The following SCEL variants were observed in gnomAD, a reference collection of about 807,000 sequenced individuals.
The protein encoded by SCEL is sciellin.
A neutral mutation model predicts 117.6 loss-of-function variants in SCEL; 113 were observed. That is an observed-to-expected ratio of 0.96 (90% confidence interval 0.83 to 1.12). The LOEUF (loss-of-function observed/expected upper bound fraction) is 1.12. Among genes scored for constraint, SCEL ranks in the 50% most tolerant of loss-of-function variants. The pLI is 0.00. For synonymous variants in SCEL, 270 were observed against 256.2 expected (o/e 1.05, Z -0.51); for missense variants, 785 against 810.8 (o/e 0.97, Z 0.39).
In SCEL at chr13:77,568,252, C is replaced by T. The variant is rs373642322; in HGVS notation, c.360-43C>T. 7.6e-6 allele frequency: 10 copies of T among 1,309,658 alleles called. No individual in the cohort carries two copies. The South Asian group carries it at 8.8e-5, about 12-fold the overall frequency. The allele number at this position is 1,309,658 out of a possible 1,614,324, so 81.1% of individuals were successfully genotyped here. On this transcript the variant is annotated intron_variant, in intron 6 of 32. Transcript: ENST00000349847. ...ATAATTCCAAATAGATGCAAATGTT[C>T]ATTCTTCATTGTTCAAACTTTGCTT...
At chr13:77,607,282 C>A (rs937392923) in intron 19 of SCEL, among the ~76,000 whole-genome samples, 1 of 152,180 alleles carries the variant, frequency 6.6e-6, no homozygotes, top group Non-Finnish European at 1.5e-5. Context: ...ATCTCCTGGG[C>A]TCAAGCGATC....
At chr13:77,599,846 G>A in intron 15 of SCEL, 98 bp downstream of exon 15, 1 of 847,460 alleles carries the variant, frequency 1.2e-6, no homozygotes. Flanking sequence ...CAGGCAGGCT[G>A]GTGGAATAAG....
chr13:77,617,876 C>T lies in SCEL; in HGVS notation c.1571+14C>T. On this transcript the variant is annotated intron_variant, in intron 26 of 32. Coordinates refer to ENST00000349847, the MANE Select transcript of SCEL (RefSeq NM_144777.3). ...AAACAATCAGAGGTATATATAGAAGCAGTCAATTCATGTTTTTATTTGTCT... is the reference window on the plus strand; with the variant it reads ...AAACAATCAGAGGTATATATAGAAGTAGTCAATTCATGTTTTTATTTGTCT... The T allele has an allele frequency of 1.3e-6, 2 of 1,597,742 alleles. No individual in the cohort carries two copies. The highest frequency in any genetic ancestry group is 1.3e-5 in the African/African-American group (1 of 74,602).
At chr13:77,540,097 A>G (rs2083622057) in intron 1 of SCEL, among the ~76,000 whole-genome samples, 1 of 152,250 alleles carries the variant, frequency 6.6e-6, no homozygotes, top group African/African-American at 2.4e-5. Flanking sequence ...TCATATATCA[A>G]CGAGAAAGGG....
chr13:77,618,668 G>T (rs1011417889), intron 27 of SCEL, among the ~76,000 whole-genome samples: 1 of 152,066 alleles, frequency 6.6e-6, no homozygotes, highest in Non-Finnish European at 1.5e-5. Flanking sequence ...ATTAGTTCTG[G>T]GCTTCTTATT....
intron 4 of SCEL, among the ~76,000 whole-genome samples, chr13:77,561,309 C>T (rs1433378362): frequency 6.6e-6 from 1 of 152,198 alleles, no homozygotes; most frequent in East Asian, 1.9e-4. Flanking sequence ...GAGCTTAATG[C>T]CTTTCATGCT....
intron 8 of SCEL, among the ~76,000 whole-genome samples, chr13:77,571,788 T>C (rs976876922): frequency 6.6e-6 from 1 of 150,730 alleles, no homozygotes; most frequent in Non-Finnish European, 1.5e-5. Flanking sequence ...AGCAGAAAAA[T>C]AGGGAGAATA....
Position 77,645,140 on chromosome 13 carries a change from C to T in SCEL, c.*866C>T, listed in dbSNP as rs1390830154. 3.3e-5 allele frequency: 5 copies of T among 151,760 alleles called. No homozygotes were observed. Among genetic ancestry groups the T allele is most frequent in the Admixed American group, 6.6e-5 (1 of 15,234 alleles). The allele number at this position is 151,760 out of a possible 1,614,324, so 9.4% of individuals were successfully genotyped here. A position where few individuals can be genotyped will look rare whatever the true frequency, so the allele number is the denominator to read the frequency against. On this transcript the variant is annotated 3_prime_UTR_variant, in exon 33 of 33. Coordinates refer to ENST00000349847, the MANE Select transcript of SCEL (RefSeq NM_144777.3). ...TCAAAATCTGGGTATACTTATAATCCATTAGAAGTAATGGTTATGGACTAA... is the reference window on the plus strand; with the variant it reads ...TCAAAATCTGGGTATACTTATAATCTATTAGAAGTAATGGTTATGGACTAA...
At chr13:77,565,724 C>T (rs564820526) in intron 5 of SCEL, among the ~76,000 whole-genome samples, 4 of 152,210 alleles carry the variant, frequency 2.6e-5, no homozygotes, top group African/African-American at 9.6e-5. Flanking sequence ...ACTGAGTTTA[C>T]GTTTGAAAAG....
chr13:77,593,140 T>C (rs1005705941), intron 11 of SCEL, among the ~76,000 whole-genome samples: 4 of 152,192 alleles, frequency 2.6e-5, no homozygotes, highest in South Asian at 2.1e-4. Flanking sequence ...TTTTGTTTTC[T>C]ATGTCCTTTT....
chr13:77,549,961 G>A (rs1017023411), intron 1 of SCEL, among the ~76,000 whole-genome samples: 4 of 151,178 alleles, frequency 2.6e-5, no homozygotes, highest in Admixed American at 1.3e-4. Flanking sequence ...CCATATAAGA[G>A]TGTCTTTTCT....
intron 12 of SCEL, among the ~76,000 whole-genome samples, chr13:77,596,386 A>C (rs1298039094): frequency 2.0e-5 from 3 of 152,158 alleles, no homozygotes; most frequent in Non-Finnish European, 4.4e-5. Flanking sequence ...TAGTAATGAC[A>C]GGGCATTATT....
chr13:77,543,430 G>A (rs895527223), intron 1 of SCEL, among the ~76,000 whole-genome samples: 2 of 152,112 alleles, frequency 1.3e-5, no homozygotes, highest in Non-Finnish European at 2.9e-5. Context: ...TTTGCCCTGG[G>A]CAACTATTGA....
At chr13:77,571,910 T>C (rs775291185) in intron 8 of SCEL, among the ~76,000 whole-genome samples, 1 of 152,158 alleles carries the variant, frequency 6.6e-6, no homozygotes, top group Non-Finnish European at 1.5e-5. Flanking sequence ...CGTTACTTAG[T>C]GCTAAAGGAA....
intron 17 of SCEL, 89 bp from the exon 18 acceptor site, chr13:77,602,987 G>T (rs958056473): frequency 3.8e-6 from 3 of 783,238 alleles, no homozygotes; most frequent in Non-Finnish European, 5.9e-6. Flanking sequence ...TTCTCCAAAA[G>T]CTTGAATTAA....
At chr13:77,548,304 A>T (rs2154394768) in intron 1 of SCEL, among the ~76,000 whole-genome samples, 1 of 152,326 alleles carries the variant, frequency 6.6e-6, no homozygotes, top group Admixed American at 6.5e-5. Flanking sequence ...TTTTAGCCCA[A>T]GGGCTGTCAA....
chr13:77,634,592 T>TAA (rs1199001152), intron 29 of SCEL, 142 bp downstream of exon 29: 1 of 528,826 alleles, frequency 1.9e-6, no homozygotes, highest in African/African-American at 1.9e-5. Context: ...TATATATATA[T>TAA]AATTCTCTAT....
In SCEL at chr13:77,556,729, G is replaced by C; in HGVS notation, c.161+16G>C. 6.4e-7 allele frequency: 1 copy of C among 1,560,932 alleles called. No individual in the cohort carries two copies. The highest frequency in any genetic ancestry group is 8.8e-7 in the Non-Finnish European group (1 of 1,132,398). On this transcript the variant is annotated intron_variant, in intron 3 of 32. Coordinates refer to ENST00000349847, the MANE Select transcript of SCEL (RefSeq NM_144777.3). ...AAGAAGAAAAGTAAGCTGGTGTGGA[G>C]CGTGGTGGGTGGACAGAAGGGCAGA...
At chr13:77,626,721 C>G (rs1209283141) in intron 27 of SCEL, among the ~76,000 whole-genome samples, 1 of 152,158 alleles carries the variant, frequency 6.6e-6, no homozygotes, top group African/African-American at 2.4e-5. Context: ...TTTCCTGGAG[C>G]CTCCCCAGCC....
Sources: gnomAD v4.1 joint callset for allele counts (sites outside exome capture counted in the v4.1 genomes callset) on GRCh38, gnomAD v4.1.1 for gene constraint, MANE v1.5 for transcripts, NCBI Gene and HGNC (gene_info 2026-07-23, HGNC 2026-07-21) for gene names.